Variants in SGK3 observed in about 807,000 individuals in gnomAD.
SGK3 encodes serum/glucocorticoid regulated kinase family member 3, also known as serine/threonine-protein kinase Sgk3.
SGK3 carries 47 observed loss-of-function variants against 68.5 expected under a neutral mutation model. The ratio of observed to expected loss-of-function variants is 0.69; its 90% CI spans 0.54 to 0.87. The LOEUF (loss-of-function observed/expected upper bound fraction) is 0.87, where lower values mean the gene tolerates loss of function less well. Ranked by LOEUF, SGK3 falls within the 40% of genes least tolerant of loss-of-function variation. The probability of loss-of-function intolerance (pLI) is 0.00; values close to 1 mark genes in which losing one functional copy is unlikely to be tolerated. For missense variants in SGK3, 479 were observed against 575.5 expected, an observed-to-expected ratio of 0.83 and a Z score of 1.72; for synonymous variants, 181 against 189.1, an observed-to-expected ratio of 0.96 and a Z score of 0.35.
At chr8:66,803,820 C>CT (rs909558597) in intron 3 of SGK3, among the ~76,000 whole-genome samples, 68 of 148,048 alleles carry the variant, frequency 4.6e-4, no homozygotes, top group Non-Finnish European at 7.5e-4. Context: ...CCATGCCTGG[C>CT]TTTTTTTTTT....
rs569335369 is a variant in SGK3, at chr8:66,804,570, A to G, written c.253+123A>G. On this transcript the variant is annotated intron_variant, in intron 4 of 16. Coordinates refer to ENST00000521198, the MANE Select transcript of SGK3 (RefSeq NM_001033578.3). ...AAAAGATCTTATGCTCTGTGAAAAT[A>G]ATGCCGCAGGAAGGTGCTTACTGTC... The G allele has an allele frequency of 3.2e-5, 32 of 1,003,232 alleles. 1 individual carries two copies. In the South Asian group the frequency reaches 5.1e-4, roughly 16 times the overall value. The allele number at this position is 1,003,232 out of a possible 1,614,324, so 62.1% of individuals were successfully genotyped here.
In SGK3 at chr8:66,802,868, G is replaced by A. The variant is rs76615970; in HGVS notation, c.181-1507G>A. Among the ~76,000 whole-genome samples, 39 of 152,122 alleles carry A rather than the reference G, an allele frequency of 2.6e-4. No homozygotes were observed. The East Asian group carries it at 6.9e-3, about 27-fold the overall frequency. On this transcript the variant is annotated intron_variant, in intron 3 of 16. Transcript: ENST00000521198. ...ATCCAGCTTCAATAATTACTGATAC[G>A]TGGCCATTCCTGGTTCATCTCTATC...
Position 66,778,640 on chromosome 8 carries a change from C to T in SGK3, c.-121-14976C>T, listed in dbSNP as rs536333347. Among the ~76,000 whole-genome samples, 29 of 152,326 alleles carry T rather than the reference C, an allele frequency of 1.9e-4. 1 individual carries two copies. The highest frequency in any genetic ancestry group is 5.3e-4 in the African/African-American group (22 of 41,564). Reference sequence around the variant, plus strand: ...AACATGAACTTAAAATTATATCAAACAGACCTTTAAATCGTTAAATATTGA... The same window carrying T: ...AACATGAACTTAAAATTATATCAAATAGACCTTTAAATCGTTAAATATTGA... On this transcript the variant is annotated intron_variant, in intron 1 of 16. Coordinates refer to ENST00000521198, the MANE Select transcript of SGK3 (RefSeq NM_001033578.3).
intron 4 of SGK3, among the ~76,000 whole-genome samples, chr8:66,813,080 C>G (rs1275865628): frequency 6.6e-6 from 1 of 151,924 alleles, no homozygotes; most frequent in East Asian, 1.9e-4. Context: ...ATAGTGAGAC[C>G]CTGTCTCTAC....
intron 1 of SGK3, among the ~76,000 whole-genome samples, chr8:66,734,883 G>A (rs1263579334): frequency 6.6e-6 from 1 of 150,558 alleles, no homozygotes; most frequent in African/African-American, 2.5e-5. Flanking sequence ...GGAGGTGGAG[G>A]TTGCAGTGAG....
chr8:66,744,521 T>A (rs867470718), intron 1 of SGK3, among the ~76,000 whole-genome samples: 127 of 57,692 alleles, frequency 2.2e-3, no homozygotes, highest in Middle Eastern at 7.1e-3. Flanking sequence ...ATATATATAT[T>A]TTTTTTTTTT....
At chr8:66,819,788 T>G (rs897262475) in intron 5 of SGK3, among the ~76,000 whole-genome samples, 3 of 149,526 alleles carry the variant, frequency 2.0e-5, no homozygotes, top group African/African-American at 5.1e-5. Context: ...GTAGTTTTTG[T>G]TTTTTTTGTT....
Position 66,848,622 on chromosome 8 carries a change from A to C in SGK3, c.1230+1274A>C, listed in dbSNP as rs574476413. Among the ~76,000 whole-genome samples, 377 of 152,212 alleles carry C rather than the reference A, an allele frequency of 2.5e-3. 1 individual carries two copies. The highest frequency in any genetic ancestry group is 4.2e-3 in the Non-Finnish European group (288 of 67,998). On this transcript the variant is annotated intron_variant, in intron 15 of 16. Coordinates refer to ENST00000521198, the MANE Select transcript of SGK3 (RefSeq NM_001033578.3). ...GGAAAAGGTCTGTTTCCACCTGTGC[A>C]CTGTATCCTGTCCATTTGTAAGGAA...
intron 5 of SGK3, among the ~76,000 whole-genome samples, chr8:66,818,555 A>G (rs1003069597): frequency 6.6e-5 from 10 of 152,318 alleles, no homozygotes; most frequent in Admixed American, 1.3e-4. Flanking sequence ...GATCTCTTAC[A>G]CATCCTCTTT....
chr8:66,844,587 A>G (rs1809932070), intron 14 of SGK3, among the ~76,000 whole-genome samples: 1 of 152,220 alleles, frequency 6.6e-6, no homozygotes, highest in Admixed American at 6.5e-5. Flanking sequence ...TGACATGTTT[A>G]GAAATAGTTC....
Position 66,779,594 on chromosome 8 carries a change from ATATATAT to A in SGK3, c.-121-14021_-121-14015del, listed in dbSNP as rs1181729010. 7.9e-3 allele frequency among the ~76,000 whole-genome samples: 1,025 copies of A among 130,336 alleles called. 11 individuals carry two copies. Among genetic ancestry groups the A allele is most frequent in the African/African-American group, 0.026 (856 of 33,124 alleles). The allele number at this position is 130,336 out of a possible 152,430, so 85.5% of individuals were successfully genotyped here. A position where few individuals can be genotyped will look rare whatever the true frequency, so the allele number is the denominator to read the frequency against. On this transcript the variant is annotated intron_variant, in intron 1 of 16. Transcript: ENST00000521198. The stretch of plus-strand genomic sequence containing the variant: ...TATATATATATATATATATATATAT[ATATATAT>A]AAAACACATTTTTTATATATATACG...
At chr8:66,733,528 G>C (rs925302788) in intron 1 of SGK3, among the ~76,000 whole-genome samples, 7 of 152,166 alleles carry the variant, frequency 4.6e-5, no homozygotes, top group Non-Finnish European at 7.4e-5. Flanking sequence ...AGGGCACAAA[G>C]TAGCCATTTG....
chr8:66,813,515 C>T (rs529528097), intron 4 of SGK3, among the ~76,000 whole-genome samples: 96 of 151,866 alleles, frequency 6.3e-4, no homozygotes, highest in African/African-American at 2.2e-3. Flanking sequence ...TTTGGTAGTA[C>T]GTGAGGAGTT....
chr8:66,843,569 T>A lies in SGK3; in HGVS notation c.1074+22T>A, dbSNP rs770242056. 4.4e-6 allele frequency: 7 copies of A among 1,593,738 alleles called. No homozygotes were observed. In the East Asian group the frequency reaches 1.6e-4, roughly 36 times the overall value. On this transcript the variant is annotated intron_variant, in intron 14 of 16. Coordinates refer to ENST00000521198, the MANE Select transcript of SGK3 (RefSeq NM_001033578.3). ...ATTGGTATGTATTTCTATACCTCAT[T>A]ATTCCAATGTATTATCATTGATTTG...
At chr8:66,791,948 T>C (rs534158423) in intron 1 of SGK3, among the ~76,000 whole-genome samples, 3 of 152,362 alleles carry the variant, frequency 2.0e-5, no homozygotes, top group African/African-American at 7.2e-5. Context: ...TTTAGAATGC[T>C]ATAATTTACA....
At chr8:66,778,738 G>A (rs926251080) in intron 1 of SGK3, among the ~76,000 whole-genome samples, 7 of 152,190 alleles carry the variant, frequency 4.6e-5, no homozygotes, top group South Asian at 2.1e-4. Flanking sequence ...CAAGTAAAAA[G>A]ATACAAATGA....
chr8:66,753,387 G>A (rs1290348411), intron 1 of SGK3, among the ~76,000 whole-genome samples: 1 of 152,192 alleles, frequency 6.6e-6, no homozygotes, highest in East Asian at 1.9e-4. Flanking sequence ...AACCAAGGTA[G>A]AAGCTTGTCC....
intron 1 of SGK3, among the ~76,000 whole-genome samples, chr8:66,751,838 T>C (rs1207269538): frequency 6.6e-6 from 1 of 152,004 alleles, no homozygotes; most frequent in Non-Finnish European, 1.5e-5. Flanking sequence ...CGATCTCGGC[T>C]CACCGCAACC....
intron 1 of SGK3, chr8:66,767,951 C>T: frequency 1.1e-6 from 1 of 918,408 alleles, no homozygotes; most frequent in South Asian, 1.3e-5. Context: ...TCCTTTGTAG[C>T]CACAAGGATG....
Sources: gnomAD v4.1 joint callset for allele counts (sites outside exome capture counted in the v4.1 genomes callset) on GRCh38, gnomAD v4.1.1 for gene constraint, MANE v1.5 for transcripts, NCBI Gene and HGNC (gene_info 2026-07-23, HGNC 2026-07-21) for gene names.